Variants in RYR3 observed in about 807,000 individuals in gnomAD.
RYR3 encodes the protein brain ryanodine receptor-calcium release channel.
RYR3 carries 207 observed loss-of-function variants against 584.3 expected under a neutral mutation model. That is an observed-to-expected ratio of 0.35 (90% CI 0.32 to 0.40). The LOEUF is 0.40. Ranked by LOEUF, RYR3 falls within the 10% of genes least tolerant of loss-of-function variation. The pLI, the probability that RYR3 is intolerant of heterozygous loss-of-function variation, is 1.00. For missense variants in RYR3, 5,616 were observed against 6,089.2 expected (o/e 0.92, Z 2.59); for synonymous variants, 2,416 against 2,248.5 (o/e 1.07, Z -2.11).
chr15:33,542,655 T>C (rs188185742), intron 7 of RYR3, among the ~76,000 whole-genome samples: 21 of 152,268 alleles, frequency 1.4e-4, no homozygotes, highest in Non-Finnish European at 2.9e-5. Flanking sequence ...GCATGATTGC[T>C]CATTCTTACT....
chr15:33,771,532 C>CA (rs59629282), intron 62 of RYR3, among the ~76,000 whole-genome samples: 56,954 of 147,846 alleles, frequency 0.39, 10,799 homozygotes, highest in South Asian at 0.5. Flanking sequence ...GACGCTGTCT[C>CA]AAAAAAAAAA....
At chr15:33,354,469 T>C (rs2140954910) in intron 1 of RYR3, among the ~76,000 whole-genome samples, 1 of 152,338 alleles carries the variant, frequency 6.6e-6, no homozygotes, top group South Asian at 2.1e-4. Flanking sequence ...ATGCTCAAAG[T>C]CATTTCAAAA....
At position 33,837,746 on chromosome 15, in the gene RYR3, A is replaced by T. The variant is rs1051581317; in HGVS notation, c.11766A>T (p.Leu3922Phe). The T allele has an allele frequency of 1.2e-6, 2 of 1,613,714 alleles. No homozygotes were observed. Among genetic ancestry groups the T allele is most frequent in the African/African-American group, 2.7e-5 (2 of 74,934 alleles). Residue 3922 changes from leucine to phenylalanine, a missense_variant, in exon 89 of 104, where the codon TTA (leucine) becomes TTT (phenylalanine). Physicochemically the swap from Leu to Phe is conservative, Grantham distance 22 (BLOSUM62 0). Around this residue, in one of 9 missense-constraint regions of RYR3, gnomAD observed 258 missense variants for 297.3 expected, o/e 0.87. Coordinates refer to ENST00000634891, the MANE Select transcript of RYR3 (RefSeq NM_001036.6). ...ACATGTTCTTGAAACTTAAAGACTT[A>T]ACCAGCTCAGACACCTTCAAAGAAT... The part of the protein sequence containing the change: ...FFDMFLKLKD[L>F]TSSDTFKEYD...
chr15:33,341,442 C>A (rs1971808018), intron 1 of RYR3, among the ~76,000 whole-genome samples: 1 of 152,204 alleles, frequency 6.6e-6, no homozygotes, highest in East Asian at 1.9e-4. Flanking sequence ...GAATGATCTA[C>A]ATAGTTCTTT....
In RYR3 at chr15:33,788,171, A is replaced by C. The variant is rs768274325; in HGVS notation, c.9590-47A>C. The C allele has an allele frequency of 1.4e-5, 23 of 1,608,346 alleles. 1 individual carries two copies. The highest frequency in any genetic ancestry group is 1.9e-5 in the Non-Finnish European group (22 of 1,175,896). ...TTCAGTCATGTCTTTCATTTTCATCAATTGCCATAATACGTGAAATGACGG... is the reference window on the plus strand; with the variant it reads ...TTCAGTCATGTCTTTCATTTTCATCCATTGCCATAATACGTGAAATGACGG... On this transcript the variant is annotated intron_variant, in intron 66 of 103. Transcript: ENST00000634891.
At chr15:33,704,000 T>G (rs961794045) in intron 42 of RYR3, among the ~76,000 whole-genome samples, 2 of 152,186 alleles carry the variant, frequency 1.3e-5, no homozygotes, top group Non-Finnish European at 2.9e-5. Flanking sequence ...GCAGTCATGG[T>G]GGCTCACGCC....
intron 4 of RYR3, among the ~76,000 whole-genome samples, chr15:33,531,396 G>A (rs2054854690): frequency 6.6e-6 from 1 of 151,850 alleles, no homozygotes; most frequent in Admixed American, 6.6e-5. Context: ...GTATTAAGGA[G>A]AATATTATTA....
intron 4 of RYR3, among the ~76,000 whole-genome samples, chr15:33,530,908 A>C (rs547221049): frequency 6.6e-6 from 1 of 152,156 alleles, no homozygotes; most frequent in African/African-American, 2.4e-5. Context: ...GAAGAGGGCC[A>C]TGTTTCTTTC....
chr15:33,469,998 A>G (rs1288545581), intron 1 of RYR3, among the ~76,000 whole-genome samples: 2 of 152,210 alleles, frequency 1.3e-5, no homozygotes, highest in African/African-American at 2.4e-5. Flanking sequence ...CAGTAAGGCA[A>G]TAGGAATGAA....
At chr15:33,547,081 G>A (rs1051600665) in intron 8 of RYR3, among the ~76,000 whole-genome samples, 1 of 152,160 alleles carries the variant, frequency 6.6e-6, no homozygotes, top group Admixed American at 6.5e-5. Context: ...TGTGAATTTT[G>A]TATAATGTGG....
At chr15:33,336,270 A>G (rs377040296) in intron 1 of RYR3, among the ~76,000 whole-genome samples, 155 of 151,606 alleles carry the variant, frequency 1.0e-3, no homozygotes, top group African/African-American at 3.7e-3. Flanking sequence ...TGTCTCTACT[A>G]TAAATACAAA....
intron 76 of RYR3, among the ~76,000 whole-genome samples, chr15:33,819,313 T>C (rs2076985074): frequency 6.6e-6 from 1 of 152,238 alleles, no homozygotes; most frequent in East Asian, 1.9e-4. Flanking sequence ...ATTTTCTAAT[T>C]AATTCACTAG....
intron 41 of RYR3, among the ~76,000 whole-genome samples, chr15:33,700,746 G>A (rs1018300769): frequency 2.0e-5 from 3 of 152,180 alleles, no homozygotes; most frequent in African/African-American, 2.4e-5. Flanking sequence ...GGTTGGTAGT[G>A]TGAACCGATT....
intron 1 of RYR3, among the ~76,000 whole-genome samples, chr15:33,362,677 G>A (rs748442532): frequency 6.6e-6 from 1 of 152,216 alleles, no homozygotes. Context: ...GAGCTGGATC[G>A]CTCTCTGTTC....
intron 38 of RYR3, among the ~76,000 whole-genome samples, chr15:33,685,541 A>G (rs1326218308): frequency 1.3e-5 from 2 of 152,212 alleles, no homozygotes; most frequent in African/African-American, 2.4e-5. Context: ...AACGAGACAG[A>G]AAGTTAACAA....
chr15:33,543,567 C>A, intron 7 of RYR3, 55 bp from the exon 8 acceptor site: 3 of 1,112,928 alleles, frequency 2.7e-6, no homozygotes, highest in Non-Finnish European at 4.1e-6. Context: ...TTTAAATATG[C>A]CATTCTCTTC....
chr15:33,609,314 A>G (rs1224336310), intron 18 of RYR3, among the ~76,000 whole-genome samples: 2 of 152,200 alleles, frequency 1.3e-5, no homozygotes, highest in African/African-American at 2.4e-5. Context: ...CAAACCTGTA[A>G]TCCCAGCACT....
intron 67 of RYR3, among the ~76,000 whole-genome samples, chr15:33,794,126 T>TC (rs2075380488): frequency 4.3e-5 from 5 of 116,158 alleles, no homozygotes; most frequent in Non-Finnish European, 6.4e-5. Flanking sequence ...CATAAATATA[T>TC]ATTTATATAT....
chr15:33,863,783 A>G (rs1889404891), intron 102 of RYR3, among the ~76,000 whole-genome samples: 1 of 152,190 alleles, frequency 6.6e-6, no homozygotes, highest in Non-Finnish European at 1.5e-5. Context: ...GAGATGATAA[A>G]TGGCCTGTTA....
Sources: allele counts gnomAD v4.1 joint callset (sites outside exome capture counted in the v4.1 genomes callset), GRCh38; gene constraint gnomAD v4.1.1; regional missense constraint gnomAD v4.1.1; transcripts MANE v1.5; gene names NCBI Gene and HGNC (gene_info 2026-07-23, HGNC 2026-07-21).